The following KAZN variants were observed in gnomAD, a reference collection of about 807,000 sequenced individuals.
KAZN encodes the protein kazrin, periplakin interacting protein.
A neutral mutation model predicts 87.4 loss-of-function variants in KAZN; 40 were observed. The observed-to-expected ratio is 0.46, with a 90% CI of 0.36 to 0.60. The LOEUF is 0.60. KAZN is among the 20% of genes least tolerant of loss of function. KAZN has a pLI of 0.00. For synonymous variants in KAZN, 466 were observed against 458.3 expected, an observed-to-expected ratio of 1.02 and a Z score of -0.22; for missense variants, 898 against 1,073.9, an observed-to-expected ratio of 0.84 and a Z score of 2.29.
At chr1:14,815,997 C>G (rs966827532) in intron 1 of KAZN, among the ~76,000 whole-genome samples, 1 of 152,156 alleles carries the variant, frequency 6.6e-6, no homozygotes, top group Non-Finnish European at 1.5e-5. Context: ...TGACATTTCT[C>G]ATTCCAAGCC....
At chr1:14,175,059 G>T (rs1210307448) in intron 1 of KAZN, among the ~76,000 whole-genome samples, 1 of 152,142 alleles carries the variant, frequency 6.6e-6, no homozygotes, top group Non-Finnish European at 1.5e-5. Flanking sequence ...GTTTAGAGAG[G>T]GGCAGTTTTT....
chr1:14,584,071 G>A (rs1253582313), intron 2 of KAZN, among the ~76,000 whole-genome samples: 3 of 152,196 alleles, frequency 2.0e-5, no homozygotes, highest in Non-Finnish European at 4.4e-5. Context: ...TGCCTGGTCT[G>A]CCCAGGATTC....
intron 1 of KAZN, among the ~76,000 whole-genome samples, chr1:14,913,407 C>T (rs1657456369): frequency 6.6e-6 from 1 of 152,228 alleles, no homozygotes; most frequent in Non-Finnish European, 1.5e-5. Flanking sequence ...GCCAGTCCTT[C>T]CTACGTATCT....
chr1:14,935,031 C>T (rs996265609), intron 1 of KAZN, among the ~76,000 whole-genome samples: 6 of 152,200 alleles, frequency 3.9e-5, no homozygotes, highest in Admixed American at 3.9e-4. Flanking sequence ...GCTGGACTTG[C>T]ATTTCCACAG....
At chr1:14,355,184 G>A (rs895211736) in intron 2 of KAZN, among the ~76,000 whole-genome samples, 1 of 152,026 alleles carries the variant, frequency 6.6e-6, no homozygotes, top group African/African-American at 2.4e-5. Context: ...GGTTGCTTTG[G>A]GTCAAGGAGG....
chr1:14,510,506 C>A (rs899226352), intron 2 of KAZN, among the ~76,000 whole-genome samples: 3 of 152,124 alleles, frequency 2.0e-5, no homozygotes, highest in African/African-American at 4.8e-5. Context: ...CATGGTTTAT[C>A]TAAAATGCAA....
rs77345612 is a variant in KAZN at position 14,791,653 on chromosome 1, G to T, written c.227-169031G>T. On this transcript the variant is annotated intron_variant, in intron 1 of 14. Coordinates refer to ENST00000376030, the MANE Select transcript of KAZN (RefSeq NM_201628.3). ...AGATGCCCAAGAGTCCACTGAGGAC[G>T]GCGAGAGTGAGCTTAGTCCCCAGGG... 5.8e-3 allele frequency among the ~76,000 whole-genome samples: 890 copies of T among 152,298 alleles called. 8 individuals carry two copies. The highest frequency in any genetic ancestry group is 0.019 in the African/African-American group (779 of 41,552).
intron 1 of KAZN, among the ~76,000 whole-genome samples, chr1:14,799,067 A>T (rs1448474202): frequency 6.6e-6 from 1 of 152,238 alleles, no homozygotes; most frequent in Non-Finnish European, 1.5e-5. Flanking sequence ...ATGATGAGCC[A>T]CTGTGCCTGG....
Position 14,696,237 on chromosome 1 carries a change from G to A in KAZN, c.226+97014G>A, listed in dbSNP as rs185667952. On this transcript the variant is annotated intron_variant, in intron 1 of 14. Coordinates refer to ENST00000376030, the MANE Select transcript of KAZN (RefSeq NM_201628.3). ...TGAACTCTGGGAACAAGTGAACCAC[G>A]CAGCATTTACCTCCAGGGAGCTCAT... is the stretch of plus-strand genomic sequence containing the variant. Among the ~76,000 whole-genome samples, 25 of 152,216 alleles carry A rather than the reference G, an allele frequency of 1.6e-4. 1 individual carries two copies. In the East Asian group the frequency reaches 3.7e-3, roughly 22 times the overall value.
intron 1 of KAZN, among the ~76,000 whole-genome samples, chr1:14,842,165 T>C (rs1029283015): frequency 1.3e-5 from 2 of 152,228 alleles, no homozygotes; most frequent in African/African-American, 4.8e-5. Context: ...AATGTAACCA[T>C]CCAAGAGAAA....
At chr1:14,404,884 C>T (rs773966060) in intron 2 of KAZN, among the ~76,000 whole-genome samples, 2 of 152,198 alleles carry the variant, frequency 1.3e-5, no homozygotes, top group Admixed American at 1.3e-4. Context: ...GGAATGCTAT[C>T]TAACACCTGG....
rs142746449 is a variant in KAZN, at chr1:13,948,799, C to T, written c.91+55043C>T. 3.8e-3 allele frequency among the ~76,000 whole-genome samples: 582 copies of T among 152,268 alleles called. 4 individuals are homozygous for T. The highest frequency in any genetic ancestry group is 6.1e-3 in the Non-Finnish European group (412 of 68,028). ...AGCTTCTCCTCAGAAGTATTGCTGG[C>T]TCCTGTTTTGCTGTTATTTTCAGGA... On this transcript the variant is annotated intron_variant, in intron 1 of 16. Coordinates refer to the KAZN transcript ENST00000636203.
intron 1 of KAZN, among the ~76,000 whole-genome samples, chr1:14,787,512 G>A (rs1645543983): frequency 6.6e-6 from 1 of 152,184 alleles, no homozygotes; most frequent in Admixed American, 6.5e-5. Flanking sequence ...CTGCTTCTGG[G>A]ATTCTGGTAA....
intron 2 of KAZN, among the ~76,000 whole-genome samples, chr1:14,268,848 T>C (rs1055403705): frequency 6.6e-6 from 1 of 152,258 alleles, no homozygotes; most frequent in African/African-American, 2.4e-5. Context: ...TTATCAGTGG[T>C]GTTGCCACCT....
chr1:14,997,242 T>G (rs1013655955), intron 2 of KAZN, among the ~76,000 whole-genome samples: 33 of 133,286 alleles, frequency 2.5e-4, no homozygotes, highest in South Asian at 7.2e-4. Flanking sequence ...TATTTATTTA[T>G]TTATTTATTT....
intron 1 of KAZN, among the ~76,000 whole-genome samples, chr1:14,815,261 G>A (rs1217316756): frequency 6.6e-6 from 1 of 152,160 alleles, no homozygotes; most frequent in East Asian, 1.9e-4. Context: ...TGAGGTCAGT[G>A]GAAGGGAAGT....
chr1:14,202,244 C>G (rs1646654692), intron 2 of KAZN, among the ~76,000 whole-genome samples: 1 of 152,146 alleles, frequency 6.6e-6, no homozygotes, highest in South Asian at 2.1e-4. Context: ...CCTGGCTCTT[C>G]CTTGTCTGGG....
intron 2 of KAZN, among the ~76,000 whole-genome samples, chr1:14,292,469 C>A (rs1224660486): frequency 6.6e-6 from 1 of 152,082 alleles, no homozygotes. Context: ...GGAGGAGCTG[C>A]GAGATATAGG....
At chr1:13,986,446 A>G (rs1245583119) in intron 1 of KAZN, among the ~76,000 whole-genome samples, 3 of 152,254 alleles carry the variant, frequency 2.0e-5, no homozygotes, top group Non-Finnish European at 4.4e-5. Flanking sequence ...AAAAGTTTAC[A>G]TCAGAGAGAA....
Sources: allele counts gnomAD v4.1 joint callset (sites outside exome capture counted in the v4.1 genomes callset), GRCh38; gene constraint gnomAD v4.1.1; transcripts MANE v1.5; gene names NCBI Gene and HGNC (gene_info 2026-07-23, HGNC 2026-07-21).